The following MROH9 variants were observed in gnomAD, a reference collection of about 807,000 sequenced individuals.
MROH9 encodes the protein maestro heat like repeat family member 9.
In MROH9, 92 loss-of-function variants were observed where a neutral mutation model predicts 98.2. The observed-to-expected ratio is 0.94, with a 90% CI of 0.79 to 1.11. The LOEUF (loss-of-function observed/expected upper bound fraction) is 1.11, where lower values mean the gene tolerates loss of function less well. Ranked by LOEUF, MROH9 falls within the 50% of genes most tolerant of loss-of-function variation. The pLI is 0.00. For synonymous variants in MROH9, 397 were observed against 368.9 expected (o/e 1.08, Z -0.87); for missense variants, 1,057 against 1,014.8 (o/e 1.04, Z -0.57).
intron 1 of MROH9, 68 bp from the exon 2 acceptor site, chr1:170,945,452 T>C: frequency 1.9e-6 from 2 of 1,049,530 alleles, no homozygotes; most frequent in Middle Eastern, 2.0e-4. Flanking sequence ...ACCATCCATA[T>C]TGATAGAGCA....
intron 20 of MROH9, among the ~76,000 whole-genome samples, chr1:171,061,235 A>C (rs1654004335): frequency 6.6e-6 from 1 of 152,204 alleles, no homozygotes; most frequent in Admixed American, 6.5e-5. Context: ...TGTTCGGAGG[A>C]CATAGAGCAA....
intron 15 of MROH9, among the ~76,000 whole-genome samples, chr1:171,011,073 T>C (rs1433196654): frequency 6.6e-6 from 1 of 152,132 alleles, no homozygotes; most frequent in Admixed American, 6.5e-5. Flanking sequence ...TTTAGTAACA[T>C]TGAATTTTTT....
intron 8 of MROH9, among the ~76,000 whole-genome samples, chr1:170,972,811 CAAA>C (rs141109310): frequency 0.019 from 2,117 of 112,874 alleles, 61 homozygotes; most frequent in African/African-American, 0.062. Context: ...GACTCCGCCT[CAAA>C]AAAAAAAAAA....
At chr1:170,982,726 C>T (rs144710103) in intron 8 of MROH9, among the ~76,000 whole-genome samples, 25 of 152,046 alleles carry the variant, frequency 1.6e-4, no homozygotes, top group South Asian at 8.3e-4. Flanking sequence ...CCTATCTCTA[C>T]GAAATATGTA....
intron 1 of MROH9, among the ~76,000 whole-genome samples, chr1:170,942,995 A>G (rs1388641179): frequency 6.6e-6 from 1 of 152,174 alleles, no homozygotes; most frequent in Non-Finnish European, 1.5e-5. Context: ...TGCTGGATCA[A>G]GAGGAAAATT....
chr1:171,018,780 C>A (rs572772966), intron 17 of MROH9, among the ~76,000 whole-genome samples: 2 of 152,216 alleles, frequency 1.3e-5, no homozygotes, highest in Non-Finnish European at 2.9e-5. Flanking sequence ...ATAGCTGAAT[C>A]GATGAAGCAG....
intron 15 of MROH9, 150 bp from the exon 16 acceptor site, chr1:171,013,967 C>T (rs1652245653): frequency 1.6e-6 from 1 of 633,054 alleles, no homozygotes; most frequent in African/African-American, 1.8e-5. Flanking sequence ...ATTGTTGTCT[C>T]TCCCCACTGC....
intron 9 of MROH9, among the ~76,000 whole-genome samples, chr1:170,984,805 C>T (rs1651067057): frequency 6.6e-6 from 1 of 152,184 alleles, no homozygotes; most frequent in Admixed American, 6.6e-5. Context: ...CCCAGCACTA[C>T]ATGCGGGAAC....
chr1:171,012,498 C>CTTTT (rs1652184818), intron 15 of MROH9, among the ~76,000 whole-genome samples: 1 of 133,558 alleles, frequency 7.5e-6, no homozygotes, highest in African/African-American at 3.2e-5. Context: ...ATAAAACTGT[C>CTTTT]ATTTTTTTTT....
chr1:170,957,806 TTTTGTTTGTTTG>T (rs1229026191), intron 3 of MROH9, among the ~76,000 whole-genome samples: 5 of 147,476 alleles, frequency 3.4e-5, no homozygotes, highest in Admixed American at 6.7e-5. Context: ...TTTTTTTTTT[TTTTGTTTGTTTG>T]TTTTTTTTGA....
chr1:171,011,482 T>A (rs939104991), intron 15 of MROH9, among the ~76,000 whole-genome samples: 1 of 152,218 alleles, frequency 6.6e-6, no homozygotes, highest in Non-Finnish European at 1.5e-5. Context: ...AATGATCTAG[T>A]TTTCCTTGAC....
intron 9 of MROH9, 129 bp downstream of exon 9, chr1:170,983,663 T>A (rs1651019118): frequency 3.3e-6 from 2 of 614,050 alleles, no homozygotes; most frequent in Non-Finnish European, 5.8e-6. Context: ...TGTGATAAAA[T>A]GTAAATGATT....
intron 10 of MROH9, among the ~76,000 whole-genome samples, chr1:170,989,216 A>G (rs996033177): frequency 2.0e-5 from 3 of 152,198 alleles, no homozygotes; most frequent in African/African-American, 7.2e-5. Context: ...ATTATTTTCA[A>G]AATAAGAAGT....
At chr1:171,037,279 A>T (rs887734831) in intron 20 of MROH9, among the ~76,000 whole-genome samples, 4 of 151,550 alleles carry the variant, frequency 2.6e-5, no homozygotes, top group Admixed American at 2.0e-4. Context: ...AGGGAGGGAG[A>T]AAAAGAAAGA....
intron 8 of MROH9, 62 bp downstream of exon 8, chr1:170,971,945 T>G: frequency 1.9e-6 from 3 of 1,565,682 alleles, no homozygotes; most frequent in Non-Finnish European, 2.6e-6. Context: ...TTATTCAACT[T>G]ATAGGTCCTG....
At chr1:171,020,337 T>A (rs957197431) in intron 17 of MROH9, among the ~76,000 whole-genome samples, 2 of 152,198 alleles carry the variant, frequency 1.3e-5, no homozygotes, top group African/African-American at 4.8e-5. Flanking sequence ...GCAATATCCC[T>A]GATGAATATT....
intron 7 of MROH9, among the ~76,000 whole-genome samples, chr1:170,968,213 G>A (rs1298442908): frequency 6.6e-6 from 1 of 152,158 alleles, no homozygotes; most frequent in Non-Finnish European, 1.5e-5. Context: ...GGGAGTCAAA[G>A]GCAGGCTGGA....
chr1:171,019,552 T>G (rs1020492515), intron 17 of MROH9, among the ~76,000 whole-genome samples: 3 of 151,722 alleles, frequency 2.0e-5, no homozygotes, highest in Admixed American at 6.6e-5. Flanking sequence ...CTCGGAAGGC[T>G]GAGGCAGAGA....
chr1:170,989,939 T>A lies in MROH9; in HGVS notation c.964T>A (p.Leu322Met). 6.2e-7 allele frequency: 1 copy of A among 1,613,550 alleles called. No individual in the cohort carries two copies. The highest frequency in any genetic ancestry group is 1.1e-5 in the South Asian group (1 of 91,050). Residue 322 changes from leucine to methionine, a missense_variant, in exon 11 of 22, where the codon TTG becomes ATG. Physicochemically the swap from Leu to Met is conservative, Grantham distance 15. Coordinates refer to ENST00000367759, the MANE Select transcript of MROH9 (RefSeq NM_001163629.2). ...KDVMLQVITL[L>M]TCTSPKKVIF... Reference sequence around the variant, plus strand: ...TGTTATGTTGCAGGTTATCACTTTGTTGACATGCACTTCACCCAAGAAGGT... The same window carrying A: ...TGTTATGTTGCAGGTTATCACTTTGATGACATGCACTTCACCCAAGAAGGT...
Sources: gnomAD v4.1 joint callset for allele counts (sites outside exome capture counted in the v4.1 genomes callset) on GRCh38, gnomAD v4.1.1 for gene constraint, MANE v1.5 for transcripts, NCBI Gene and HGNC (gene_info 2026-07-23, HGNC 2026-07-21) for gene names.